CHST11: variants seen among roughly 807,000 people sequenced by gnomAD.
The protein encoded by CHST11 is carbohydrate sulfotransferase 11.
A neutral mutation model predicts 30.4 loss-of-function variants in CHST11; 9 were observed. The ratio of observed to expected loss-of-function variants is 0.30; its 90% CI spans 0.18 to 0.52. The LOEUF (loss-of-function observed/expected upper bound fraction) is 0.52, where lower values mean the gene tolerates loss of function less well. Ranked by LOEUF, CHST11 falls within the 20% of genes least tolerant of loss-of-function variation. CHST11 has a pLI of 0.97. For missense variants in CHST11, 348 were observed against 460.6 expected (o/e 0.76, Z 2.24); for synonymous variants, 152 against 187.8 (o/e 0.81, Z 1.56).
At chr12:104,472,985 G>C (rs1204184734) in intron 1 of CHST11, among the ~76,000 whole-genome samples, 1 of 151,300 alleles carries the variant, frequency 6.6e-6, no homozygotes, top group Admixed American at 6.6e-5. Context: ...CGGGAGCCCA[G>C]GGGTGGAGAG....
At chr12:104,472,984 A>T (rs1459829462) in intron 1 of CHST11, among the ~76,000 whole-genome samples, 2 of 152,160 alleles carry the variant, frequency 1.3e-5, no homozygotes, top group South Asian at 4.1e-4. Flanking sequence ...ACGGGAGCCC[A>T]GGGGTGGAGA....
At chr12:104,586,478 G>A (rs914808973) in intron 1 of CHST11, among the ~76,000 whole-genome samples, 3 of 152,226 alleles carry the variant, frequency 2.0e-5, no homozygotes, top group African/African-American at 4.8e-5. Flanking sequence ...GACTCAAGGG[G>A]AGGAGGCAGG....
chr12:104,576,874 G>A (rs1386866742), intron 1 of CHST11, among the ~76,000 whole-genome samples: 2 of 152,174 alleles, frequency 1.3e-5, no homozygotes, highest in African/African-American at 4.8e-5. Flanking sequence ...CAACATTCAT[G>A]TTGCCATTAA....
intron 1 of CHST11, among the ~76,000 whole-genome samples, chr12:104,597,522 T>G (rs2038918363): frequency 6.6e-6 from 1 of 152,180 alleles, no homozygotes; most frequent in Non-Finnish European, 1.5e-5. Context: ...GTTTTCTCCT[T>G]ATATAGCAAG....
At chr12:104,690,226 A>G (rs574708374) in intron 2 of CHST11, among the ~76,000 whole-genome samples, 21 of 152,344 alleles carry the variant, frequency 1.4e-4, no homozygotes, top group African/African-American at 4.6e-4. Context: ...ATAGCTTTCT[A>G]TTAAAGTGGA....
chr12:104,498,547 C>T (rs894566061), intron 1 of CHST11, among the ~76,000 whole-genome samples: 4 of 152,142 alleles, frequency 2.6e-5, no homozygotes, highest in African/African-American at 7.2e-5. Flanking sequence ...ATGGTGTTAG[C>T]GCCTCATGAC....
In CHST11 at chr12:104,694,049, T is replaced by TA. The variant is rs1254904864; in HGVS notation, c.205-62896dup. ...ATTATTCTTAGCTCCAGGACCATAT[T>TA]AAAACAGGCAGCTAACTGGATTTGG... On this transcript the variant is annotated intron_variant, in intron 2 of 2. Coordinates refer to ENST00000303694, the MANE Select transcript of CHST11 (RefSeq NM_018413.6). 2.6e-5 allele frequency among the ~76,000 whole-genome samples: 4 copies of TA among 152,192 alleles called. No homozygotes were observed. In the East Asian group the frequency reaches 7.7e-4, roughly 29 times the overall value.
intron 1 of CHST11, among the ~76,000 whole-genome samples, chr12:104,515,265 G>A (rs1259292147): frequency 6.6e-6 from 1 of 152,204 alleles, no homozygotes; most frequent in African/African-American, 2.4e-5. Context: ...ACTTTTGTGC[G>A]ATAATGGCAG....
chr12:104,611,639 C>T (rs946981741), intron 2 of CHST11, among the ~76,000 whole-genome samples: 2 of 152,184 alleles, frequency 1.3e-5, no homozygotes, highest in African/African-American at 4.8e-5. Flanking sequence ...CAGGGCTTCA[C>T]TCCCCTAGAG....
At chr12:104,499,034 T>C (rs1025896213) in intron 1 of CHST11, among the ~76,000 whole-genome samples, 3 of 152,176 alleles carry the variant, frequency 2.0e-5, no homozygotes, top group Non-Finnish European at 4.4e-5. Context: ...TCCTCATTCT[T>C]TTTTCCTCCC....
At chr12:104,549,050 G>A (rs12307098) in intron 1 of CHST11, among the ~76,000 whole-genome samples, 5,405 of 152,232 alleles carry the variant, frequency 0.036, 310 homozygotes, top group African/African-American at 0.12. Context: ...TCCCAACCAC[G>A]GTGATAAATG....
At chr12:104,703,681 T>C (rs1025381079) in intron 2 of CHST11, among the ~76,000 whole-genome samples, 1 of 151,786 alleles carries the variant, frequency 6.6e-6, no homozygotes, top group African/African-American at 2.4e-5. Context: ...AGAGCCTCCT[T>C]GTGGCCTGTG....
chr12:104,640,556 A>G (rs1484395103), intron 2 of CHST11, among the ~76,000 whole-genome samples: 1 of 152,142 alleles, frequency 6.6e-6, no homozygotes, highest in African/African-American at 2.4e-5. Context: ...GTAAATGACT[A>G]TGGGGGCAGT....
intron 1 of CHST11, among the ~76,000 whole-genome samples, chr12:104,564,733 T>C (rs2038545287): frequency 6.6e-6 from 1 of 152,246 alleles, no homozygotes; most frequent in Non-Finnish European, 1.5e-5. Flanking sequence ...ATTTTCATAC[T>C]GCTATCAAGA....
chr12:104,640,835 G>C (rs1158741073), intron 2 of CHST11, among the ~76,000 whole-genome samples: 1 of 152,094 alleles, frequency 6.6e-6, no homozygotes, highest in Non-Finnish European at 1.5e-5. Flanking sequence ...GGCAGAAGAG[G>C]GTTGGTCCCC....
intron 1 of CHST11, among the ~76,000 whole-genome samples, chr12:104,487,765 G>A (rs1423849059): frequency 6.6e-6 from 1 of 151,520 alleles, no homozygotes; most frequent in Non-Finnish European, 1.5e-5. Context: ...CTTCCTGGGT[G>A]AACATAGAGT....
intron 2 of CHST11, among the ~76,000 whole-genome samples, chr12:104,665,810 C>CTTT (rs1566029057): frequency 1.4e-4 from 16 of 115,844 alleles, no homozygotes; most frequent in Non-Finnish European, 2.3e-4. Context: ...CTCTCTCTGT[C>CTTT]TCTTTTTTTT....
chr12:104,733,413 G>A (rs1458277876), intron 2 of CHST11, among the ~76,000 whole-genome samples: 1 of 152,136 alleles, frequency 6.6e-6, no homozygotes, highest in Non-Finnish European at 1.5e-5. Flanking sequence ...TGATTCTGGG[G>A]GCACCTTTAA....
At chr12:104,551,159 A>G (rs1214805221) in intron 1 of CHST11, among the ~76,000 whole-genome samples, 1 of 152,216 alleles carries the variant, frequency 6.6e-6, no homozygotes, top group African/African-American at 2.4e-5. Flanking sequence ...GGCTCTATTA[A>G]GAAAGGAAAG....
Sources: gnomAD v4.1 joint callset for allele counts (sites outside exome capture counted in the v4.1 genomes callset) on GRCh38, gnomAD v4.1.1 for gene constraint, MANE v1.5 for transcripts, NCBI Gene and HGNC (gene_info 2026-07-23, HGNC 2026-07-21) for gene names.